The following CCSER1 variants were observed in gnomAD, a reference collection of about 807,000 sequenced individuals.
CCSER1 encodes the protein coiled-coil serine rich protein 1, also known as serine-rich coiled-coil domain-containing protein 1.
Under a neutral mutation model 82.0 loss-of-function variants are expected in CCSER1, and 41 were observed. The observed-to-expected ratio is 0.50, with a 90% CI of 0.39 to 0.65. The LOEUF (loss-of-function observed/expected upper bound fraction) is 0.65. Ranked by LOEUF, CCSER1 falls within the 30% of genes least tolerant of loss-of-function variation. The pLI is 0.00. For missense variants in CCSER1, 1,119 were observed against 1,064.2 expected (o/e 1.05, Z -0.72); for synonymous variants, 414 against 383.9 (o/e 1.08, Z -0.92).
At chr4:91,438,131 G>C (rs1292894089) in intron 10 of CCSER1, among the ~76,000 whole-genome samples, 3 of 152,172 alleles carry the variant, frequency 2.0e-5, no homozygotes, top group African/African-American at 7.2e-5. Flanking sequence ...GAGAGCAGTG[G>C]TTCTCCCAGC....
chr4:90,720,300 T>C (rs574593855), intron 6 of CCSER1, among the ~76,000 whole-genome samples: 1 of 123,390 alleles, frequency 8.1e-6, no homozygotes, highest in South Asian at 2.7e-4. Context: ...AAAAAAAAAA[T>C]TAAAAAAAAA....
intron 3 of CCSER1, 73 bp downstream of exon 3, chr4:90,313,120 A>G: frequency 1.7e-6 from 2 of 1,199,496 alleles, no homozygotes; most frequent in Non-Finnish European, 2.4e-6. Context: ...TCTCTTGCAA[A>G]ATGAACACAG....
chr4:91,599,953 CTTAT>C lies in CCSER1; in HGVS notation c.*899_*902del, dbSNP rs760363294. Reference sequence around the variant, plus strand: ...AAAATTATTCTTTTTCTTTACTTTCCTTATTTTTTAAAATGTTCTTTTTTATGTA... The same window carrying C: ...AAAATTATTCTTTTTCTTTACTTTCCTTTTTAAAATGTTCTTTTTTATGTA... On this transcript the variant is annotated 3_prime_UTR_variant, in exon 11 of 11. Transcript: ENST00000509176. 6 of 151,988 alleles carry C rather than the reference CTTAT, an allele frequency of 3.9e-5. No individual in the cohort carries two copies. The highest frequency in any genetic ancestry group is 8.8e-5 in the Non-Finnish European group (6 of 67,962). 9.4% of individuals were successfully genotyped at this position (151,988 alleles called of 1,614,324 possible).
At chr4:91,268,315 G>A (rs574449194) in intron 10 of CCSER1, among the ~76,000 whole-genome samples, 20 of 152,186 alleles carry the variant, frequency 1.3e-4, no homozygotes, top group African/African-American at 4.8e-4. Flanking sequence ...ATTATTGGGG[G>A]GATGTGAGGA....
intron 10 of CCSER1, among the ~76,000 whole-genome samples, chr4:91,097,346 T>C (rs1023374290): frequency 1.3e-5 from 2 of 152,138 alleles, no homozygotes; most frequent in Admixed American, 1.3e-4. Flanking sequence ...TTATTGGAAG[T>C]TACAGAAACT....
At chr4:90,430,217 T>G (rs1510794) in intron 4 of CCSER1, among the ~76,000 whole-genome samples, 17,469 of 151,912 alleles carry the variant, frequency 0.11, 1,438 homozygotes, top group East Asian at 0.37. Context: ...TGATAAGTTA[T>G]GCAAGTGAAT....
At chr4:90,409,515 A>C (rs1349833394) in intron 4 of CCSER1, among the ~76,000 whole-genome samples, 1 of 152,224 alleles carries the variant, frequency 6.6e-6, no homozygotes, top group Non-Finnish European at 1.5e-5. Flanking sequence ...CCAGAATTTA[A>C]TATCCAGCCA....
At chr4:91,262,366 C>T (rs940162460) in intron 10 of CCSER1, among the ~76,000 whole-genome samples, 1 of 152,056 alleles carries the variant, frequency 6.6e-6, no homozygotes, top group East Asian at 1.9e-4. Context: ...TTATTAGACA[C>T]GAAAATGTCT....
chr4:90,656,383 A>G (rs936248881), intron 6 of CCSER1, among the ~76,000 whole-genome samples: 1 of 151,730 alleles, frequency 6.6e-6, no homozygotes, highest in Non-Finnish European at 1.5e-5. Context: ...TATTGGATGT[A>G]TTAGCCCTTT....
At chr4:91,370,644 C>T (rs754829009) in intron 10 of CCSER1, among the ~76,000 whole-genome samples, 2 of 151,396 alleles carry the variant, frequency 1.3e-5, no homozygotes, top group Non-Finnish European at 2.9e-5. Flanking sequence ...TGCAGTGAGC[C>T]GAGATCATGC....
chr4:91,264,292 G>T (rs1213506801), intron 10 of CCSER1, among the ~76,000 whole-genome samples: 1 of 151,622 alleles, frequency 6.6e-6, no homozygotes, highest in Non-Finnish European at 1.5e-5. Context: ...TGGATAATGG[G>T]AAAATAAATA....
intron 1 of CCSER1, among the ~76,000 whole-genome samples, chr4:90,287,129 C>A (rs1223162548): frequency 6.6e-6 from 1 of 151,652 alleles, no homozygotes; most frequent in Admixed American, 6.6e-5. Context: ...TTTGCTACTG[C>A]TCCTAAAAGA....
intron 10 of CCSER1, among the ~76,000 whole-genome samples, chr4:91,107,669 G>A (rs74973767): frequency 0.022 from 3,049 of 139,312 alleles, 133 homozygotes; most frequent in African/African-American, 0.079. Flanking sequence ...TGTTTGAAAA[G>A]AAGAAAAAAT....
At chr4:90,249,414 A>G (rs1170970252) in intron 1 of CCSER1, among the ~76,000 whole-genome samples, 1 of 152,182 alleles carries the variant, frequency 6.6e-6, no homozygotes, top group Non-Finnish European at 1.5e-5. Flanking sequence ...TATTCACAGA[A>G]TTGTGCAACT....
intron 7 of CCSER1, among the ~76,000 whole-genome samples, chr4:90,790,192 A>T (rs1360409437): frequency 4.6e-5 from 7 of 152,164 alleles, no homozygotes; most frequent in African/African-American, 1.7e-4. Flanking sequence ...CCTTGGTCCT[A>T]TGCAGCCTTT....
chr4:90,918,156 T>A (rs1243616616), intron 8 of CCSER1: 2 of 384,608 alleles, frequency 5.2e-6, no homozygotes, highest in African/African-American at 2.1e-5. Context: ...CTAGTGTCTG[T>A]TAATTGTATT....
chr4:90,442,343 A>G (rs548939619), intron 4 of CCSER1, among the ~76,000 whole-genome samples: 11 of 152,262 alleles, frequency 7.2e-5, no homozygotes, highest in Middle Eastern at 3.4e-3. Flanking sequence ...ATGGCAATCA[A>G]TGACTTTTAC....
chr4:91,038,675 T>G (rs1004818436), intron 9 of CCSER1, among the ~76,000 whole-genome samples: 1 of 152,214 alleles, frequency 6.6e-6, no homozygotes, highest in African/African-American at 2.4e-5. Context: ...TAAAACATTG[T>G]TGGATTACCT....
At chr4:90,297,962 G>T (rs187447587) in intron 1 of CCSER1, among the ~76,000 whole-genome samples, 1,631 of 151,874 alleles carry the variant, frequency 0.011, 29 homozygotes, top group African/African-American at 0.037. Flanking sequence ...TCTCTTTTTT[G>T]GTTGTGTCTC....
Sources: gnomAD v4.1 joint callset for allele counts (sites outside exome capture counted in the v4.1 genomes callset) on GRCh38, gnomAD v4.1.1 for gene constraint, MANE v1.5 for transcripts, NCBI Gene and HGNC (gene_info 2026-07-23, HGNC 2026-07-21) for gene names.